DMD: variants seen among roughly 807,000 people sequenced by gnomAD.
The protein encoded by DMD is dystrophin.
In DMD, 63 loss-of-function variants were observed where a neutral mutation model predicts 330.1. The ratio of observed to expected loss-of-function variants is 0.19; its 90% CI spans 0.16 to 0.24. DMD has a LOEUF of 0.24. DMD is among the 10% of genes least tolerant of loss of function. DMD has a pLI of 1.00. For synonymous variants in DMD, 1,223 were observed against 959.8 expected, an observed-to-expected ratio of 1.27 and a Z score of -5.07; for missense variants, 3,344 against 2,684.1, an observed-to-expected ratio of 1.25 and a Z score of -5.43.
intron 44 of DMD, among the ~76,000 whole-genome samples, chrX:31,987,034 T>C (rs1206882395): frequency 1.8e-5 from 2 of 112,189 alleles, no homozygotes; most frequent in African/African-American, 3.2e-5. Context: ...CTATTAGTTA[T>C]CTATCAGTTA....
At chrX:31,436,880 C>G (rs988142647) in intron 60 of DMD, among the ~76,000 whole-genome samples, 1 of 111,695 alleles carries the variant, frequency 9.0e-6, no homozygotes, top group Admixed American at 9.6e-5. Context: ...TCAACAAATC[C>G]TTCTGTGACC....
chrX:32,952,740 CT>C (rs758801509), intron 2 of DMD, among the ~76,000 whole-genome samples: 1 of 111,279 alleles, frequency 9.0e-6, no homozygotes, highest in African/African-American at 3.3e-5. Context: ...GGTCTTAATG[CT>C]TTTTATTTCT....
At chrX:32,644,854 T>G in intron 10 of DMD, 110 bp downstream of exon 10, 1 of 930,743 alleles carries the variant, frequency 1.1e-6, no homozygotes, top group Non-Finnish European at 1.5e-6. Context: ...CACATCATAG[T>G]AACTAAATTT....
chrX:32,319,775 T>C (rs904224149), intron 41 of DMD, among the ~76,000 whole-genome samples: 5 of 111,041 alleles, frequency 4.5e-5, no homozygotes, highest in Non-Finnish European at 7.6e-5. Context: ...ATACTGATTT[T>C]AGCTTCTTCA....
In DMD at chrX:33,104,916, T is replaced by C. The variant is rs987706511; in HGVS notation, c.32-84716A>G. On this transcript the variant is annotated intron_variant, in intron 1 of 78. Coordinates refer to ENST00000357033, the MANE Select transcript of DMD (RefSeq NM_004006.3). ...TTTCAAACTCAAAAGTGAATCTCCT[T>C]GTAATTATCAGAGCTAAATATATGT... Among the ~76,000 whole-genome samples the C allele has an allele frequency of 3.6e-5, 4 of 112,371 alleles. No homozygotes were observed. In the East Asian group the frequency reaches 1.1e-3, roughly 32 times the overall value.
At chrX:32,240,906 C>T (rs1012868011) in intron 43 of DMD, among the ~76,000 whole-genome samples, 1 of 111,085 alleles carries the variant, frequency 9.0e-6, no homozygotes, top group Non-Finnish European at 1.9e-5. Context: ...TCAAAACAAC[C>T]CCTTTATTTC....
At chrX:33,268,716 C>T (rs2053092892) in intron 1 of DMD, among the ~76,000 whole-genome samples, 1 of 110,711 alleles carries the variant, frequency 9.0e-6, no homozygotes, top group African/African-American at 3.3e-5. Flanking sequence ...CATATGAGGC[C>T]AGGAGTTCAA....
At chrX:32,061,541 C>T (rs1000858416) in intron 44 of DMD, among the ~76,000 whole-genome samples, 2 of 111,159 alleles carry the variant, frequency 1.8e-5, no homozygotes, top group Non-Finnish European at 3.8e-5. Flanking sequence ...TGGTGGGGTC[C>T]AGTTCATTAT....
At chrX:33,110,177 A>G (rs1354694536) in intron 1 of DMD, among the ~76,000 whole-genome samples, 1 of 110,342 alleles carries the variant, frequency 9.1e-6, no homozygotes, top group African/African-American at 3.3e-5. Context: ...GGACTGAGAG[A>G]GTTATGCCCA....
At chrX:31,520,272 T>C (rs2072622689) in intron 55 of DMD, among the ~76,000 whole-genome samples, 1 of 111,203 alleles carries the variant, frequency 9.0e-6, no homozygotes, top group Non-Finnish European at 1.9e-5. Flanking sequence ...GATTGGATCA[T>C]GGGGGTGGCT....
chrX:33,316,422 C>T (rs1220932454), intron 1 of DMD, among the ~76,000 whole-genome samples: 4 of 111,328 alleles, frequency 3.6e-5, no homozygotes, highest in African/African-American at 1.3e-4. Context: ...CATACACACA[C>T]ACATACATAT....
intron 2 of DMD, among the ~76,000 whole-genome samples, chrX:32,946,198 TA>T (rs200908944): frequency 9.0e-6 from 1 of 111,449 alleles, no homozygotes; most frequent in Admixed American, 9.6e-5. Context: ...ATCTCAAATA[TA>T]AAAAAATTAA....
chrX:32,116,620 T>C (rs1210198727), intron 44 of DMD, among the ~76,000 whole-genome samples: 1 of 111,978 alleles, frequency 8.9e-6, no homozygotes, highest in Non-Finnish European at 1.9e-5. Flanking sequence ...TTTTCTGTAC[T>C]CCCCCTATCT....
chrX:31,487,870 G>C (rs1389563052), intron 57 of DMD, among the ~76,000 whole-genome samples: 1 of 109,992 alleles, frequency 9.1e-6, no homozygotes, highest in African/African-American at 3.3e-5. Context: ...AAAAGTAAAT[G>C]AACATATTTC....
intron 9 of DMD, among the ~76,000 whole-genome samples, chrX:32,690,554 G>A (rs981137607): frequency 9.0e-6 from 1 of 111,398 alleles, no homozygotes; most frequent in African/African-American, 3.3e-5. Context: ...TGAGAAAGAA[G>A]TACAAAATTG....
At chrX:32,173,461 C>G (rs930223968) in intron 44 of DMD, among the ~76,000 whole-genome samples, 3 of 110,864 alleles carry the variant, frequency 2.7e-5, no homozygotes, top group Admixed American at 1.9e-4. Flanking sequence ...CAACCTCCGC[C>G]TCCCAGGTTC....
intron 59 of DMD, among the ~76,000 whole-genome samples, chrX:31,468,667 T>A (rs1403268986): frequency 1.8e-5 from 2 of 111,894 alleles, no homozygotes; most frequent in African/African-American, 3.3e-5. Context: ...GTTCTGTAGA[T>A]GTCTATTAAG....
At chrX:32,059,070 TG>T (rs2096203617) in intron 44 of DMD, among the ~76,000 whole-genome samples, 1 of 110,720 alleles carries the variant, frequency 9.0e-6, no homozygotes, top group Admixed American at 9.6e-5. Flanking sequence ...AGTACAATGG[TG>T]GTTGCTAAGG....
intron 29 of DMD, among the ~76,000 whole-genome samples, chrX:32,418,972 CAA>C (rs1160282195): frequency 8.8e-3 from 118 of 13,466 alleles, no homozygotes; most frequent in African/African-American, 0.025. Context: ...GACTCTGTCT[CAA>C]AAAAAAAAAA....
Sources: gnomAD v4.1 joint callset for allele counts (sites outside exome capture counted in the v4.1 genomes callset) on GRCh38, gnomAD v4.1.1 for gene constraint, MANE v1.5 for transcripts, NCBI Gene and HGNC (gene_info 2026-07-23, HGNC 2026-07-21) for gene names.